The following MGA variants were observed in gnomAD, a reference collection of about 807,000 sequenced individuals.
MGA encodes MAX dimerization protein MGA, also known as MAX gene-associated protein.
Under a neutral mutation model 261.1 loss-of-function variants are expected in MGA, and 40 were observed. The ratio of observed to expected loss-of-function variants is 0.15; its 90% CI spans 0.12 to 0.20. The LOEUF (loss-of-function observed/expected upper bound fraction) is 0.20, where lower values mean the gene tolerates loss of function less well. Ranked by LOEUF, MGA falls within the 10% of genes least tolerant of loss-of-function variation. The probability of loss-of-function intolerance (pLI) is 1.00; values close to 1 mark genes in which losing one functional copy is unlikely to be tolerated. For missense variants in MGA, 3,397 were observed against 3,630.5 expected (o/e 0.94, Z 1.65); for synonymous variants, 1,302 against 1,290.6 (o/e 1.01, Z -0.19).
At chr15:41,638,836 G>A (rs926993972) in intron 1 of MGA, among the ~76,000 whole-genome samples, 18 of 151,762 alleles carry the variant, frequency 1.2e-4, no homozygotes, top group Admixed American at 3.9e-4. Context: ...GACTACAGGC[G>A]CGTGCCACCA....
intron 15 of MGA, among the ~76,000 whole-genome samples, chr15:41,746,171 C>T (rs1184034553): frequency 6.6e-6 from 1 of 152,100 alleles, no homozygotes; most frequent in Non-Finnish European, 1.5e-5. Flanking sequence ...GTTTTTGAAT[C>T]ACTCTCTAAA....
chr15:41,678,487 C>T (rs1009808139), intron 2 of MGA, among the ~76,000 whole-genome samples: 8 of 149,184 alleles, frequency 5.4e-5, no homozygotes, highest in East Asian at 2.1e-4. Flanking sequence ...CTGTCCTGGC[C>T]GGGTGCTGTG....
At chr15:41,626,650 C>T (rs1041962854) in intron 1 of MGA, among the ~76,000 whole-genome samples, 32 of 152,138 alleles carry the variant, frequency 2.1e-4, no homozygotes, top group African/African-American at 6.5e-4. Flanking sequence ...CTTGAACTCC[C>T]GACCTCAGGA....
chr15:41,651,817 C>T (rs1423970310), intron 1 of MGA, among the ~76,000 whole-genome samples: 1 of 46,078 alleles, frequency 2.2e-5, no homozygotes, highest in Non-Finnish European at 4.4e-5. Flanking sequence ...CTTCCTTTCC[C>T]TTCTCCTCTC....
intron 1 of MGA, among the ~76,000 whole-genome samples, chr15:41,626,698 C>T (rs925600729): frequency 6.6e-6 from 1 of 152,184 alleles, no homozygotes; most frequent in South Asian, 2.1e-4. Context: ...GCTGGGATTA[C>T]AGGCGTGAGC....
intron 22 of MGA, among the ~76,000 whole-genome samples, chr15:41,762,752 A>G (rs994032685): frequency 1.3e-5 from 2 of 152,016 alleles, no homozygotes; most frequent in Non-Finnish European, 2.9e-5. Flanking sequence ...TACAGGTGTG[A>G]GCAACCACAC....
chr15:41,653,241 C>T (rs781140098), intron 1 of MGA, among the ~76,000 whole-genome samples: 52 of 151,674 alleles, frequency 3.4e-4, no homozygotes, highest in East Asian at 7.8e-4. Context: ...TGGTGGTGGG[C>T]GCCTGTAATC....
Position 41,696,259 on chromosome 15 carries a change from A to G in MGA, c.1249A>G (p.Ser417Gly). The stretch of plus-strand genomic sequence containing the variant: ...TGAAGAGACGGATGTATACTCAAAC[A>G]GTGATGATGATCCTATACTAGAGAA... Residue 417 changes from serine to glycine, a missense_variant, in exon 3 of 24, where the codon AGT (serine) becomes GGT (glycine). By Grantham distance (56) the Ser-to-Gly change is moderately conservative. Transcript: ENST00000219905. 1 of 1,613,996 alleles carries G rather than the reference A, an allele frequency of 6.2e-7. No homozygotes were observed. The highest frequency in any genetic ancestry group is 8.5e-7 in the Non-Finnish European group (1 of 1,179,900).
intron 9 of MGA, among the ~76,000 whole-genome samples, chr15:41,720,709 T>G (rs1464535256): frequency 6.6e-6 from 1 of 152,120 alleles, no homozygotes; most frequent in Admixed American, 6.6e-5. Context: ...GGTGTGCGCC[T>G]GTAATCCCAG....
At position 41,674,686 on chromosome 15, in the gene MGA, T is replaced by C. The variant is rs892866078; in HGVS notation, c.1064+4728T>C. Among the ~76,000 whole-genome samples the C allele has an allele frequency of 2.0e-5, 3 of 152,080 alleles. No individual in the cohort carries two copies. In the South Asian group the frequency reaches 6.2e-4, roughly 32 times the overall value. ...AGACGCATGCCACCACAGCCAACTA[T>C]TTTTTGTATTTTTAGTAGAGACGGG... is the stretch of plus-strand genomic sequence containing the variant. On this transcript the variant is annotated intron_variant, in intron 2 of 23. Transcript: ENST00000219905.
In MGA at chr15:41,669,904, A is replaced by T. The variant is rs774263435; in HGVS notation, c.1010A>T (p.Asp337Val). The stretch of plus-strand genomic sequence containing the variant: ...AAACGAGACTTTCTTGGTTTCATGG[A>T]TACTGATTCAGCACTTAGTGAAGTT... Residue 337 changes from aspartate to valine, a missense_variant, in exon 2 of 24, where the codon GAT (aspartate) becomes GTT (valine). Coordinates refer to ENST00000219905, the MANE Select transcript of MGA (RefSeq NM_001164273.2). The T allele has an allele frequency of 9.3e-6, 15 of 1,613,976 alleles. No homozygotes were observed. The Admixed American group carries it at 1.2e-4, about 13-fold the overall frequency.
At chr15:41,635,352 A>T (rs2056678100) in intron 1 of MGA, among the ~76,000 whole-genome samples, 1 of 151,456 alleles carries the variant, frequency 6.6e-6, no homozygotes, top group African/African-American at 2.4e-5. Flanking sequence ...AAATAAGTAA[A>T]TAAGAGTTGA....
At chr15:41,682,472 T>C (rs935382193) in intron 2 of MGA, among the ~76,000 whole-genome samples, 3 of 152,026 alleles carry the variant, frequency 2.0e-5, no homozygotes, top group African/African-American at 7.2e-5. Flanking sequence ...TCATATAGGT[T>C]CTTTTTATTT....
intron 2 of MGA, among the ~76,000 whole-genome samples, chr15:41,685,698 A>G (rs991731433): frequency 6.6e-6 from 1 of 152,158 alleles, no homozygotes; most frequent in African/African-American, 2.4e-5. Flanking sequence ...CATTTAAAAT[A>G]ATTTTCCAGT....
At chr15:41,724,157 T>C (rs971210554) in intron 9 of MGA, among the ~76,000 whole-genome samples, 5 of 152,234 alleles carry the variant, frequency 3.3e-5, no homozygotes, top group Non-Finnish European at 7.3e-5. Flanking sequence ...TTATAATTAA[T>C]GCGTGTACAA....
At chr15:41,757,918 C>CTA in intron 19 of MGA, 79 bp downstream of exon 19, 2 of 1,235,684 alleles carry the variant, frequency 1.6e-6, no homozygotes, top group Non-Finnish European at 2.3e-6. Context: ...ACAACATTAG[C>CTA]TATATTAGCC....
At chr15:41,698,804 T>C in intron 3 of MGA, 59 bp from the exon 4 acceptor site, 3 of 1,311,660 alleles carry the variant, frequency 2.3e-6, no homozygotes, top group Non-Finnish European at 3.1e-6. Context: ...AATCCTGTTT[T>C]ACATTTAAGT....
chr15:41,700,637 G>A (rs1033577981), intron 5 of MGA, among the ~76,000 whole-genome samples: 4 of 151,740 alleles, frequency 2.6e-5, no homozygotes, highest in African/African-American at 9.7e-5. Flanking sequence ...GCATTATCTT[G>A]ACCTTGATTA....
intron 1 of MGA, among the ~76,000 whole-genome samples, chr15:41,622,574 C>T (rs186290359): frequency 6.6e-6 from 1 of 152,196 alleles, no homozygotes; most frequent in Non-Finnish European, 1.5e-5. Context: ...GACATCTAAT[C>T]CCTATGTATT....
Sources: gnomAD v4.1 joint callset for allele counts (sites outside exome capture counted in the v4.1 genomes callset) on GRCh38, gnomAD v4.1.1 for gene constraint, MANE v1.5 for transcripts, NCBI Gene and HGNC (gene_info 2026-07-23, HGNC 2026-07-21) for gene names.